PPP2R3C: variants seen among roughly 807,000 people sequenced by gnomAD.
The protein encoded by PPP2R3C is serine/threonine-protein phosphatase 2A regulatory subunit B'' subunit gamma.
Under a neutral mutation model 63.7 loss-of-function variants are expected in PPP2R3C, and 47 were observed. The observed-to-expected ratio is 0.74, with a 90% CI of 0.58 to 0.94. The LOEUF (loss-of-function observed/expected upper bound fraction) is 0.94. PPP2R3C is among the 40% of genes least tolerant of loss of function. The pLI, the probability that PPP2R3C is intolerant of heterozygous loss-of-function variation, is 0.00. For synonymous variants in PPP2R3C, 180 were observed against 177.4 expected (o/e 1.01, Z -0.12); for missense variants, 421 against 518.4 (o/e 0.81, Z 1.82).
At chr14:35,086,402 T>C (rs906090868) in intron 12 of PPP2R3C, 2 of 152,362 alleles carry the variant, frequency 1.3e-5, no homozygotes, top group South Asian at 2.1e-4. Context: ...TTTCACCATA[T>C]TGGCCAGGCT....
chr14:35,095,270 T>A, intron 9 of PPP2R3C, 86 bp from the exon 10 acceptor site: 1 of 1,355,988 alleles, frequency 7.4e-7, no homozygotes, highest in Non-Finnish European at 1.0e-6. Flanking sequence ...TTTTCTTGGT[T>A]AATATTTTGA....
At chr14:35,102,456 G>A (rs557509479) in intron 6 of PPP2R3C, 11 of 152,060 alleles carry the variant, frequency 7.2e-5, no homozygotes, top group Non-Finnish European at 1.3e-4. Flanking sequence ...TCCAAAATGG[G>A]GCTCTCTTGT....
chr14:35,119,810 G>T (rs191675617), intron 1 of PPP2R3C, among the ~76,000 whole-genome samples: 180 of 151,278 alleles, frequency 1.2e-3, no homozygotes, highest in Non-Finnish European at 1.6e-3. Flanking sequence ...TCTAGTGGTG[G>T]ACTGGAGGGA....
chr14:35,092,193 G>A (rs1223853785), intron 10 of PPP2R3C, among the ~76,000 whole-genome samples: 3 of 151,772 alleles, frequency 2.0e-5, no homozygotes, highest in South Asian at 2.1e-4. Context: ...TACAGCCTCC[G>A]AGGCAGCTGA....
chr14:35,121,695 G>A (rs2046901492), intron 1 of PPP2R3C, among the ~76,000 whole-genome samples: 1 of 152,158 alleles, frequency 6.6e-6, no homozygotes, highest in South Asian at 2.1e-4. Flanking sequence ...CTAAAGCTAA[G>A]TTTTTCGTTC....
At position 35,105,172 on chromosome 14, in the gene PPP2R3C, T is replaced by C. The variant is rs547111867; in HGVS notation, c.573+2132A>G. On this transcript the variant is annotated intron_variant, in intron 6 of 12. Transcript: ENST00000261475. Reference sequence around the variant, plus strand: ...TAAATGTTAAAATGCTACATTCTTTTTATTTTCCCCTTTAAAAGGCTTTTT... The same window carrying C: ...TAAATGTTAAAATGCTACATTCTTTCTATTTTCCCCTTTAAAAGGCTTTTT... Among the ~76,000 whole-genome samples, 92 of 152,106 alleles carry C rather than the reference T, an allele frequency of 6.0e-4. No homozygotes were observed. In the South Asian group the frequency reaches 7.5e-3, roughly 12 times the overall value.
chr14:35,103,139 G>C (rs977952566), intron 6 of PPP2R3C, among the ~76,000 whole-genome samples: 1 of 152,150 alleles, frequency 6.6e-6, no homozygotes, highest in Admixed American at 6.6e-5. Flanking sequence ...GACAGACTCA[G>C]CTTAAAACTT....
chr14:35,091,075 A>G lies in PPP2R3C; in HGVS notation c.1108T>C (p.Phe370Leu). The G allele has an allele frequency of 6.2e-7, 1 of 1,601,804 alleles. No homozygotes were observed. Among genetic ancestry groups the G allele is most frequent in the Non-Finnish European group, 8.5e-7 (1 of 1,172,298 alleles). The change falls in exon 11 of 13, where the codon TTT (phenylalanine) becomes CTT (leucine). Residue 370 changes from phenylalanine to leucine, a missense_variant. Physicochemically the swap from Phe to Leu is conservative, Grantham distance 22. Transcript: ENST00000261475. ...YLNVFSLNYF[F>L]RAIQELMKIH... Reference sequence around the variant, plus strand: ...CTTATGCAAATGAGACTTACCCTAAAGAAATAATTAAGTGAAAAGACATTC... The same window carrying G: ...CTTATGCAAATGAGACTTACCCTAAGGAAATAATTAAGTGAAAAGACATTC...
At chr14:35,105,069 G>T (rs954432896) in intron 6 of PPP2R3C, among the ~76,000 whole-genome samples, 2 of 151,336 alleles carry the variant, frequency 1.3e-5, no homozygotes, top group South Asian at 4.2e-4. Flanking sequence ...AAAGCGGGGG[G>T]GTGGAATTCT....
In PPP2R3C at chr14:35,108,215, G is replaced by C. The variant is rs771623597; in HGVS notation, c.426C>G (p.Val142=). The C allele has an allele frequency of 6.3e-7, 1 of 1,577,082 alleles. No individual in the cohort carries two copies. The highest frequency in any genetic ancestry group is 8.5e-7 in the Non-Finnish European group (1 of 1,170,248). Residue 142 remains valine (V), a synonymous_variant, in exon 5 of 13, where the codon GTC becomes GTG. Transcript: ENST00000261475. ...AKCKQFFTAK[V]FAKLLHTDSY... ...AATCTGTATGAAGGAGTTTAGCAAA[G>C]ACTTTTGCTGTGAAAAATTGCCTAA...
chr14:35,085,676 C>T lies in PPP2R3C; in HGVS notation c.1276G>A (p.Asp426Asn), dbSNP rs766915955. Reference sequence around the variant, plus strand: ...TCGTAAGTCCAGAAGCCATTCAAATCGATTAGAATGGTGGTTACTGTGTCT... The same window carrying T: ...TCGTAAGTCCAGAAGCCATTCAAATTGATTAGAATGGTGGTTACTGTGTCT... ...QGDTVTTILI[D>N]LNGFWTYENR... Residue 426 changes from aspartate (D) to asparagine (N), a missense_variant, in exon 13 of 13, where the codon GAT becomes AAT. Physicochemically the swap from Asp to Asn is conservative, Grantham distance 23. This residue lies in a region of PPP2R3C where 231 missense variants were observed against 264.8 expected (regional missense o/e 0.87). Transcript: ENST00000261475. 3 of 1,613,296 alleles carry T rather than the reference C, an allele frequency of 1.9e-6. No homozygotes were observed. Among genetic ancestry groups the T allele is most frequent in the African/African-American group, 1.3e-5 (1 of 74,868 alleles).
intron 5 of PPP2R3C, 129 bp from the exon 6 acceptor site, chr14:35,107,503 T>C: frequency 1.4e-6 from 1 of 721,544 alleles, no homozygotes; most frequent in Non-Finnish European, 2.3e-6. Flanking sequence ...CACCACAAAA[T>C]TGCTTGAAAC....
chr14:35,093,708 G>A (rs550700207), intron 10 of PPP2R3C, among the ~76,000 whole-genome samples: 1 of 151,098 alleles, frequency 6.6e-6, no homozygotes, highest in Non-Finnish European at 1.5e-5. Context: ...GTGCAGTGGC[G>A]CCATCTCGGC....
At chr14:35,090,250 T>G (rs1181352908) in intron 11 of PPP2R3C, among the ~76,000 whole-genome samples, 3 of 149,278 alleles carry the variant, frequency 2.0e-5, no homozygotes, top group Non-Finnish European at 4.5e-5. Flanking sequence ...TTTTTTTTTT[T>G]TTTTTTTTTG....
At chr14:35,093,649 G>T (rs1249704703) in intron 10 of PPP2R3C, among the ~76,000 whole-genome samples, 1 of 151,820 alleles carries the variant, frequency 6.6e-6, no homozygotes. Flanking sequence ...AAATTTATCA[G>T]ATTCTTTTTT....
intron 6 of PPP2R3C, chr14:35,101,750 A>T (rs1398953172): frequency 1.3e-5 from 2 of 152,078 alleles, no homozygotes; most frequent in African/African-American, 4.8e-5. Flanking sequence ...CTTTTTATAC[A>T]TTATCTATAT....
chr14:35,086,888 C>T (rs1218564102), intron 12 of PPP2R3C: 1 of 152,228 alleles, frequency 6.6e-6, no homozygotes, highest in Non-Finnish European at 1.5e-5. Flanking sequence ...AACTTTGCCT[C>T]CCAGGTTCAA....
chr14:35,103,794 A>G lies in PPP2R3C; in HGVS notation c.573+3510T>C, dbSNP rs1474629170. 2.0e-5 allele frequency among the ~76,000 whole-genome samples: 3 copies of G among 152,240 alleles called. No homozygotes were observed. The South Asian group carries it at 6.2e-4, about 32-fold the overall frequency. ...AAATGTCTACTAAATGCTTAATAAGATTTAATAAGTGAATAAAACTTTGTA... is the reference window on the plus strand; with the variant it reads ...AAATGTCTACTAAATGCTTAATAAGGTTTAATAAGTGAATAAAACTTTGTA... On this transcript the variant is annotated intron_variant, in intron 6 of 12. Coordinates refer to ENST00000261475, the MANE Select transcript of PPP2R3C (RefSeq NM_017917.4).
At chr14:35,111,689 T>C (rs2046564687) in intron 2 of PPP2R3C, among the ~76,000 whole-genome samples, 1 of 152,202 alleles carries the variant, frequency 6.6e-6, no homozygotes, top group South Asian at 2.1e-4. Context: ...GAGATGTCTT[T>C]TCAGGCTTTT....
Sources: allele counts gnomAD v4.1 joint callset (sites outside exome capture counted in the v4.1 genomes callset), GRCh38; gene constraint gnomAD v4.1.1; regional missense constraint gnomAD v4.1.1; transcripts MANE v1.5; gene names NCBI Gene and HGNC (gene_info 2026-07-23, HGNC 2026-07-21).